AOAH: variants seen among roughly 807,000 people sequenced by gnomAD.
The protein encoded by AOAH is acyloxyacyl hydrolase.
Under a neutral mutation model 92.2 loss-of-function variants are expected in AOAH, and 64 were observed. The observed-to-expected ratio is 0.69, with a 90% CI of 0.57 to 0.86. The LOEUF (loss-of-function observed/expected upper bound fraction) is 0.86. AOAH is among the 40% of genes least tolerant of loss of function. The pLI, the probability that AOAH is intolerant of heterozygous loss-of-function variation, is 0.00. For synonymous variants in AOAH, 263 were observed against 254.5 expected, an observed-to-expected ratio of 1.03 and a Z score of -0.32; for missense variants, 656 against 694.6, an observed-to-expected ratio of 0.94 and a Z score of 0.62.
intron 1 of AOAH, among the ~76,000 whole-genome samples, chr7:36,722,473 G>C (rs1799691604): frequency 6.6e-6 from 1 of 152,176 alleles, no homozygotes; most frequent in Non-Finnish European, 1.5e-5. Flanking sequence ...ATTTCCATTT[G>C]ATGGGCAGTA....
chr7:36,572,779 C>G (rs1031253262), intron 13 of AOAH, among the ~76,000 whole-genome samples: 4 of 152,126 alleles, frequency 2.6e-5, no homozygotes, highest in Admixed American at 6.6e-5. Flanking sequence ...GTGATGAATT[C>G]CAAAATGTCA....
At chr7:36,596,968 A>ACTGCTG in intron 11 of AOAH, among the ~76,000 whole-genome samples, 1 of 152,172 alleles carries the variant, frequency 6.6e-6, no homozygotes, top group Non-Finnish European at 1.5e-5. Flanking sequence ...TCATCCCATG[A>ACTGCTG]TATCCTGTAT....
chr7:36,604,097 G>A (rs1790805133), intron 11 of AOAH, among the ~76,000 whole-genome samples: 1 of 152,128 alleles, frequency 6.6e-6, no homozygotes, highest in African/African-American at 2.4e-5. Flanking sequence ...TGGGGGCAAG[G>A]GAGCTCTTTT....
intron 13 of AOAH, among the ~76,000 whole-genome samples, chr7:36,557,584 C>T (rs1199337524): frequency 6.6e-6 from 1 of 152,174 alleles, no homozygotes; most frequent in Non-Finnish European, 1.5e-5. Flanking sequence ...GAGTGTTTTC[C>T]AACTTGGTTC....
At chr7:36,522,189 G>A in intron 19 of AOAH, 74 bp from the exon 20 acceptor site, 1 of 1,431,928 alleles carries the variant, frequency 7.0e-7, no homozygotes, top group African/African-American at 1.4e-5. Flanking sequence ...ACAAGGACGT[G>A]AGAACTGCCC....
chr7:36,540,470 G>A lies in AOAH; in HGVS notation c.1155C>T (p.Ala385=). The A allele has an allele frequency of 6.2e-7, 1 of 1,612,526 alleles. No homozygotes were observed. The highest frequency in any genetic ancestry group is 8.5e-7 in the Non-Finnish European group (1 of 1,179,246). The change falls in exon 16 of 21, where the codon GCC becomes GCT. Residue 385 remains alanine (A), a synonymous_variant. Transcript: ENST00000617537. ...VCSGKSDPVP[A]MTTPEKLYSN... ...AGTAGAGTTTCTCAGGAGTGGTCATGGCTGGGACTGGGTCACTCTTCCTGT... is the reference window on the plus strand; with the variant it reads ...AGTAGAGTTTCTCAGGAGTGGTCATAGCTGGGACTGGGTCACTCTTCCTGT...
chr7:36,695,576 G>A (rs573172436), intron 1 of AOAH, among the ~76,000 whole-genome samples: 1 of 152,232 alleles, frequency 6.6e-6, no homozygotes, highest in East Asian at 1.9e-4. Flanking sequence ...ATCAGCAGTG[G>A]CTAACCAGTG....
intron 5 of AOAH, among the ~76,000 whole-genome samples, chr7:36,633,081 C>T (rs1290410311): frequency 2.6e-5 from 4 of 152,160 alleles, no homozygotes; most frequent in East Asian, 1.9e-4. Flanking sequence ...GGCACTAGCA[C>T]GTGTCTCTAG....
intron 5 of AOAH, among the ~76,000 whole-genome samples, chr7:36,634,648 C>G (rs868189764): frequency 3.9e-5 from 6 of 152,152 alleles, no homozygotes; most frequent in African/African-American, 9.7e-5. Flanking sequence ...ACAACATTGA[C>G]AGCACTTCGG....
At chr7:36,645,584 G>A (rs1431232564) in intron 4 of AOAH, among the ~76,000 whole-genome samples, 1 of 152,114 alleles carries the variant, frequency 6.6e-6, no homozygotes, top group Non-Finnish European at 1.5e-5. Context: ...TCTAGCCTTT[G>A]AGTGAAATTT....
At chr7:36,671,502 G>A (rs1795921865) in intron 3 of AOAH, among the ~76,000 whole-genome samples, 1 of 152,214 alleles carries the variant, frequency 6.6e-6, no homozygotes, top group African/African-American at 2.4e-5. Context: ...ACAAACAGCT[G>A]TGGTAAATGC....
intron 1 of AOAH, among the ~76,000 whole-genome samples, chr7:36,717,996 G>A (rs1383319148): frequency 1.3e-5 from 2 of 151,990 alleles, no homozygotes; most frequent in Non-Finnish European, 2.9e-5. Flanking sequence ...TTCGTGAAAG[G>A]ACACCATTAT....
intron 16 of AOAH, among the ~76,000 whole-genome samples, chr7:36,538,212 G>A (rs1039972496): frequency 6.6e-6 from 1 of 151,780 alleles, no homozygotes; most frequent in Non-Finnish European, 1.5e-5. Flanking sequence ...ATTTTTAGAA[G>A]AGACGAGGTT....
At chr7:36,640,368 T>C (rs1793819417) in intron 4 of AOAH, among the ~76,000 whole-genome samples, 1 of 152,172 alleles carries the variant, frequency 6.6e-6, no homozygotes, top group Non-Finnish European at 1.5e-5. Context: ...AAGATGCAGT[T>C]TGGGTAACAT....
At chr7:36,671,824 G>A (rs1795958111) in intron 3 of AOAH, among the ~76,000 whole-genome samples, 1 of 152,134 alleles carries the variant, frequency 6.6e-6, no homozygotes, top group Non-Finnish European at 1.5e-5. Flanking sequence ...CAAGTGGTTT[G>A]AAGTGTAGTG....
chr7:36,589,050 T>A (rs202075562), intron 12 of AOAH, among the ~76,000 whole-genome samples: 2 of 90,410 alleles, frequency 2.2e-5, no homozygotes, highest in Non-Finnish European at 3.9e-5. Flanking sequence ...AGCTTTTTAC[T>A]TTTTTTGAAA....
chr7:36,609,275 T>C (rs1315179918), intron 11 of AOAH, among the ~76,000 whole-genome samples: 2 of 152,234 alleles, frequency 1.3e-5, no homozygotes, highest in Non-Finnish European at 2.9e-5. Context: ...TTTTCCTAGC[T>C]GGTCTTGCTG....
intron 3 of AOAH, among the ~76,000 whole-genome samples, chr7:36,663,211 G>C (rs1019636735): frequency 6.6e-6 from 1 of 152,118 alleles, no homozygotes; most frequent in Non-Finnish European, 1.5e-5. Flanking sequence ...AAAATACAGA[G>C]ATGTCCCATT....
intron 13 of AOAH, among the ~76,000 whole-genome samples, chr7:36,561,527 A>G (rs1787266205): frequency 6.6e-6 from 1 of 152,110 alleles, no homozygotes; most frequent in Non-Finnish European, 1.5e-5. Flanking sequence ...GACAGAAGAG[A>G]AGGAGCACAG....
Sources: allele counts gnomAD v4.1 joint callset (sites outside exome capture counted in the v4.1 genomes callset), GRCh38; gene constraint gnomAD v4.1.1; transcripts MANE v1.5; gene names NCBI Gene and HGNC (gene_info 2026-07-23, HGNC 2026-07-21).